Variants in TGM1 observed in about 807,000 individuals in gnomAD.
The protein encoded by TGM1 is protein-glutamine gamma-glutamyltransferase K.
Under a neutral mutation model 88.7 loss-of-function variants are expected in TGM1, and 63 were observed. The observed-to-expected ratio is 0.71, with a 90% CI of 0.58 to 0.88. TGM1 has a LOEUF of 0.88. TGM1 is among the 40% of genes least tolerant of loss of function. The pLI, the probability that TGM1 is intolerant of heterozygous loss-of-function variation, is 0.00. For missense variants in TGM1, 996 were observed against 1,118.0 expected (o/e 0.89, Z 1.56); for synonymous variants, 415 against 431.1 (o/e 0.96, Z 0.46).
intron 14 of TGM1, among the ~76,000 whole-genome samples, chr14:24,252,905 C>T (rs961204469): frequency 5.3e-5 from 8 of 152,186 alleles, no homozygotes; most frequent in Non-Finnish European, 1.0e-4. Flanking sequence ...TTTTCCTAGG[C>T]GGGGACGGGG....
Position 24,260,659 on chromosome 14 carries a change from A to T in TGM1, c.548T>A (p.Ile183Asn). ...PEVGKGTHVI[I>N]PVGKGGSGGW... Reference sequence around the variant, plus strand: ...TCCACTGCCCCCCTTGCCCACTGGGATGATCACGTGCGTGCCCTTGCCCAC... The same window carrying T: ...TCCACTGCCCCCCTTGCCCACTGGGTTGATCACGTGCGTGCCCTTGCCCAC... Residue 183 changes from isoleucine (I) to asparagine (N), a missense_variant, in exon 4 of 15, where the codon ATC becomes AAC. By Grantham distance (149) the Ile-to-Asn change is moderately radical. Coordinates refer to ENST00000206765, the MANE Select transcript of TGM1 (RefSeq NM_000359.3). The T allele has an allele frequency of 6.2e-7, 1 of 1,614,034 alleles. No individual in the cohort carries two copies.
intron 14 of TGM1, among the ~76,000 whole-genome samples, chr14:24,252,235 C>T (rs911962181): frequency 6.6e-5 from 10 of 152,212 alleles, no homozygotes; most frequent in African/African-American, 2.4e-4. Context: ...GGGCTCACAG[C>T]AGCTAAGGAG....
At position 24,259,904 on chromosome 14, in the gene TGM1, T is replaced by C; in HGVS notation, c.876+36A>G. ...CAGCCCCCACACCCACCCCAGCTCC[T>C]CTGGGTGTATGTGACCCTGGCCAGC... On this transcript the variant is annotated intron_variant, in intron 5 of 14. Coordinates refer to ENST00000206765, the MANE Select transcript of TGM1 (RefSeq NM_000359.3). This position sits in a 1 kb window ranked among gnomAD's most constrained non-coding sequence, Gnocchi z 5.7. 3 of 1,605,008 alleles carry C rather than the reference T, an allele frequency of 1.9e-6. No individual in the cohort carries two copies. Among genetic ancestry groups the C allele is most frequent in the Non-Finnish European group, 2.6e-6 (3 of 1,171,852 alleles).
Position 24,259,909 on chromosome 14 carries a change from G to T in TGM1, c.876+31C>A. ...CCCACACCCACCCCAGCTCCTCTGG[G>T]TGTATGTGACCCTGGCCAGCCGCAC... On this transcript the variant is annotated intron_variant, in intron 5 of 14. Transcript: ENST00000206765. The surrounding 1 kb of genome is among the most constrained non-coding windows in gnomAD (Gnocchi z 5.7). 6.2e-7 allele frequency: 1 copy of T among 1,611,940 alleles called. No individual in the cohort carries two copies. The highest frequency in any genetic ancestry group is 8.5e-7 in the Non-Finnish European group (1 of 1,178,110).
At chr14:24,249,586 G>A (rs781455202) in intron 14 of TGM1, 45 bp from the exon 15 acceptor site, 1 of 1,550,510 alleles carries the variant, frequency 6.4e-7, no homozygotes, top group Non-Finnish European at 8.8e-7. Flanking sequence ...ATTGGGGGTG[G>A]AGTGGGGAGT....
intron 9 of TGM1, 110 bp downstream of exon 9, chr14:24,258,175 G>T: frequency 1.2e-6 from 1 of 813,232 alleles, no homozygotes; most frequent in Non-Finnish European, 2.0e-6. Flanking sequence ...GAAGCCGCGG[G>T]GTTACATGGC....
intron 3 of TGM1, 113 bp downstream of exon 3, chr14:24,261,582 G>T: frequency 7.5e-7 from 1 of 1,337,476 alleles, no homozygotes; most frequent in Non-Finnish European, 1.1e-6. Context: ...TGCCTTATCT[G>T]GCAGAGGTGA....
Position 24,259,032 on chromosome 14 carries a change from C to T in TGM1, c.1159+43G>A, listed in dbSNP as rs754507214. The T allele has an allele frequency of 1.9e-6, 3 of 1,610,944 alleles. No homozygotes were observed. Among genetic ancestry groups the T allele is most frequent in the Admixed American group, 1.7e-5 (1 of 59,850 alleles). ...GGTAAGCCTGGCTTTCCTCCCTTCT[C>T]CCTGTAGGGCCCGGGCCACTCCTGT... On this transcript the variant is annotated intron_variant, in intron 7 of 14. Coordinates refer to ENST00000206765, the MANE Select transcript of TGM1 (RefSeq NM_000359.3). The surrounding 1 kb of genome is among the most constrained non-coding windows in gnomAD (Gnocchi z 5.7).
At position 24,261,873 on chromosome 14, in the gene TGM1, T is replaced by C. The variant is rs1372600576; in HGVS notation, c.330A>G (p.Leu110=). 20 of 1,613,484 alleles carry C rather than the reference T, an allele frequency of 1.2e-5. No homozygotes were observed. The highest frequency in any genetic ancestry group is 1.5e-5 in the Non-Finnish European group (18 of 1,180,016). ...TCAGCAAGTCCACACCGTTCACTAC[T>C]AGCATGCCCTCTGCAAGGACACAGC... ...AGDGTIREGM[L]VVNGVDLLSS... Residue 110 remains leucine, a synonymous_variant, in exon 3 of 15, where the codon CTA becomes CTG. Transcript: ENST00000206765.
At chr14:24,257,728 A>G (rs1003728593) in intron 9 of TGM1, among the ~76,000 whole-genome samples, 2 of 152,226 alleles carry the variant, frequency 1.3e-5, no homozygotes, top group African/African-American at 2.4e-5. Context: ...AAAAATATAC[A>G]TTGTTAGCAT....
In TGM1 at chr14:24,258,646, C is replaced by T. The variant is rs121918721; in HGVS notation, c.1187G>A (p.Arg396His). ...TVLRCLGLAT[R>H]TVTNFNSAHD... ...GGCGGAGTTGAAGTTGGTGACAGTACGGGTGGCCAGACCCAGGCAGCGCAG... is the reference window on the plus strand; with the variant it reads ...GGCGGAGTTGAAGTTGGTGACAGTATGGGTGGCCAGACCCAGGCAGCGCAG... The change falls in exon 8 of 15, where the codon CGT (arginine) becomes CAT (histidine). Residue 396 changes from arginine (R) to histidine (H), a missense_variant. Physicochemically the swap from Arg to His is conservative, Grantham distance 29 (BLOSUM62 0). Coordinates refer to ENST00000206765, the MANE Select transcript of TGM1 (RefSeq NM_000359.3). 31 of 1,614,058 alleles carry T rather than the reference C, an allele frequency of 1.9e-5. No individual in the cohort carries two copies. The highest frequency in any genetic ancestry group is 9.3e-5 in the African/African-American group (7 of 74,918).
chr14:24,253,510 C>G (rs1212685359), intron 14 of TGM1, among the ~76,000 whole-genome samples: 1 of 152,158 alleles, frequency 6.6e-6, no homozygotes, highest in African/African-American at 2.4e-5. Context: ...CGGGGTCTCA[C>G]TCTGTCGCCC....
chr14:24,260,356 C>T, intron 4 of TGM1, 94 bp downstream of exon 4: 1 of 1,566,092 alleles, frequency 6.4e-7, no homozygotes, highest in Non-Finnish European at 8.6e-7. Context: ...CTCCTGGGGT[C>T]AGGCACCTAG....
intron 7 of TGM1, among the ~76,000 whole-genome samples, 191 bp from the exon 8 acceptor site, chr14:24,258,864 C>T (rs1335869038): frequency 1.3e-5 from 2 of 152,246 alleles, no homozygotes; most frequent in African/African-American, 2.4e-5. Flanking sequence ...AGGCCACCTG[C>T]CTGGCTCAGT....
Position 24,261,643 on chromosome 14 carries a change from T to A in TGM1, c.508+52A>T. ...GACCTCTCTGACCCTAATGCCAGCCTCTCCCCACCAAACATAGGGCCTTCA... is the reference window on the plus strand; with the variant it reads ...GACCTCTCTGACCCTAATGCCAGCCACTCCCCACCAAACATAGGGCCTTCA... On this transcript the variant is annotated intron_variant, in intron 3 of 14. Transcript: ENST00000206765. The A allele has an allele frequency of 1.9e-6, 3 of 1,609,964 alleles. No individual in the cohort carries two copies. The South Asian group carries it at 3.3e-5, about 18-fold the overall frequency.
chr14:24,252,535 C>CG (rs2040710447), intron 14 of TGM1, among the ~76,000 whole-genome samples: 1 of 152,168 alleles, frequency 6.6e-6, no homozygotes, highest in Non-Finnish European at 1.5e-5. Flanking sequence ...GCAGGCTACC[C>CG]GGGGGGTTCA....
At position 24,253,464 on chromosome 14, in the gene TGM1, C is replaced by CTG. The variant is rs41293834; in HGVS notation, c.2225+686_2225+687dup. Among the ~76,000 whole-genome samples the CTG allele has an allele frequency of 5.4e-3, 809 of 150,498 alleles. 7 individuals are homozygous for CTG. Among genetic ancestry groups the CTG allele is most frequent in the African/African-American group, 0.018 (753 of 41,146 alleles). On this transcript the variant is annotated intron_variant, in intron 14 of 14. Transcript: ENST00000206765. Reference sequence around the variant, plus strand: ...TGTGTCTCTGTGTGTGTGTGTGTGTCTGTGTGTGTGTGTGACAGAGAGAGA... The same window carrying CTG: ...TGTGTCTCTGTGTGTGTGTGTGTGTCTGTGTGTGTGTGTGTGACAGAGAGAGA...
chr14:24,254,393 C>T (rs1330206811), intron 13 of TGM1, 105 bp from the exon 14 acceptor site: 3 of 1,532,468 alleles, frequency 2.0e-6, no homozygotes, highest in African/African-American at 2.7e-5. Flanking sequence ...CAAAACCTCC[C>T]CGAGTCCCAC....
At chr14:24,254,392 C>T in intron 13 of TGM1, 104 bp from the exon 14 acceptor site, 1 of 1,540,970 alleles carries the variant, frequency 6.5e-7, no homozygotes, top group African/African-American at 1.4e-5. Flanking sequence ...GCAAAACCTC[C>T]CCGAGTCCCA....
Sources: allele counts gnomAD v4.1 joint callset (sites outside exome capture counted in the v4.1 genomes callset), GRCh38; gene constraint gnomAD v4.1.1; non-coding constraint Gnocchi (gnomAD v3.1); transcripts MANE v1.5; gene names NCBI Gene and HGNC (gene_info 2026-07-23, HGNC 2026-07-21).